The following TBC1D4 variants were observed in gnomAD, a reference collection of about 807,000 sequenced individuals.
TBC1D4 encodes TBC (Tre-2, BUB2, CDC16) domain-containing protein.
TBC1D4 carries 121 observed loss-of-function variants against 142.5 expected under a neutral mutation model. The ratio of observed to expected loss-of-function variants is 0.85; its 90% CI spans 0.73 to 0.99. TBC1D4 has a LOEUF of 0.99. Among genes scored for constraint, TBC1D4 ranks in the 50% least tolerant of loss-of-function variants. The probability of loss-of-function intolerance (pLI) is 0.00; values close to 1 mark genes in which losing one functional copy is unlikely to be tolerated. For synonymous variants in TBC1D4, 630 were observed against 628.2 expected (o/e 1.00, Z -0.04); for missense variants, 1,475 against 1,606.6 (o/e 0.92, Z 1.40).
At chr13:75,393,834 G>A (rs1408558462) in intron 1 of TBC1D4, among the ~76,000 whole-genome samples, 2 of 151,824 alleles carry the variant, frequency 1.3e-5, no homozygotes, top group African/African-American at 4.8e-5. Flanking sequence ...TGGAGGCTGA[G>A]GCAGGAGAAT....
intron 1 of TBC1D4, among the ~76,000 whole-genome samples, chr13:75,386,739 A>C (rs946589789): frequency 6.6e-6 from 1 of 152,198 alleles, no homozygotes; most frequent in African/African-American, 2.4e-5. Context: ...AATAAAAAAA[A>C]CACTCATCCA....
Position 75,327,754 on chromosome 13 carries a change from T to A in TBC1D4, c.1804A>T (p.Lys602Ter). The A allele has an allele frequency of 6.2e-7, 1 of 1,613,996 alleles. No homozygotes were observed. The change falls in exon 9 of 21, where the codon AAG becomes TAG. Residue 602 changes from lysine (K) to a stop codon, truncating the protein, a stop_gained and splice_region_variant. Coordinates refer to ENST00000377636, the MANE Select transcript of TBC1D4 (RefSeq NM_014832.5). LOFTEE classifies it high-confidence loss of function. ...FERSNSLASEKDYSPGDSPPG... is the reference protein window; with the variant it reads ...FERSNSLASE ...GTAAACAAGCTCTAGTTAGATACCT[T>A]CTCTGAAGCAAGACTGTTGGACCGT...
At chr13:75,347,877 T>C (rs1881279560) in intron 5 of TBC1D4, among the ~76,000 whole-genome samples, 1 of 152,222 alleles carries the variant, frequency 6.6e-6, no homozygotes, top group Non-Finnish European at 1.5e-5. Flanking sequence ...GGCTCATGCC[T>C]GTAATCTCAG....
At chr13:75,441,871 T>C (rs1366636280) in intron 1 of TBC1D4, among the ~76,000 whole-genome samples, 1 of 152,218 alleles carries the variant, frequency 6.6e-6, no homozygotes, top group Non-Finnish European at 1.5e-5. Context: ...CTTAATTGTA[T>C]ACATGTCTGT....
intron 1 of TBC1D4, 75 bp downstream of exon 1, chr13:75,481,195 T>TGCCCCCCCCCCC: frequency 2.3e-6 from 3 of 1,292,708 alleles, no homozygotes; most frequent in Non-Finnish European, 2.1e-6. Context: ...TAAAGTGGGG[T>TGCCCCCCCCCCC]CCCCGCCCCT....
At chr13:75,407,249 G>C (rs1245948985) in intron 1 of TBC1D4, among the ~76,000 whole-genome samples, 1 of 152,164 alleles carries the variant, frequency 6.6e-6, no homozygotes, top group Non-Finnish European at 1.5e-5. Context: ...CTAATGCCAG[G>C]TTCTGAGTTT....
At chr13:75,382,815 A>G (rs1039420437) in intron 1 of TBC1D4, among the ~76,000 whole-genome samples, 4 of 152,218 alleles carry the variant, frequency 2.6e-5, no homozygotes, top group Non-Finnish European at 5.9e-5. Flanking sequence ...TTTTATATTG[A>G]TTATAATGCT....
chr13:75,361,163 G>A (rs1266825011), intron 2 of TBC1D4, among the ~76,000 whole-genome samples: 1 of 152,144 alleles, frequency 6.6e-6, no homozygotes. Flanking sequence ...CAATACTACA[G>A]CTTGCATCAA....
At chr13:75,457,256 T>C (rs538407135) in intron 1 of TBC1D4, among the ~76,000 whole-genome samples, 20 of 152,300 alleles carry the variant, frequency 1.3e-4, no homozygotes, top group Admixed American at 2.6e-4. Flanking sequence ...AATTAAATGG[T>C]TTATGTATTA....
At chr13:75,312,424 A>AAAAAGAAAG (rs1555301657) in intron 13 of TBC1D4, among the ~76,000 whole-genome samples, 39 of 136,008 alleles carry the variant, frequency 2.9e-4, no homozygotes, top group East Asian at 6.1e-4. Flanking sequence ...GGGAAAAAAA[A>AAAAAGAAAG]AAAGAAAGAA....
intron 1 of TBC1D4, among the ~76,000 whole-genome samples, chr13:75,451,355 T>C (rs1433639438): frequency 2.0e-5 from 3 of 152,006 alleles, no homozygotes; most frequent in East Asian, 1.9e-4. Context: ...TAAGAGTCAG[T>C]AGATAATTTT....
At chr13:75,435,611 C>T (rs1368261808) in intron 1 of TBC1D4, among the ~76,000 whole-genome samples, 3 of 151,996 alleles carry the variant, frequency 2.0e-5, no homozygotes, top group Non-Finnish European at 4.4e-5. Flanking sequence ...TATATCTGTC[C>T]ACTGACAGAT....
intron 1 of TBC1D4, among the ~76,000 whole-genome samples, chr13:75,412,283 G>C (rs539820041): frequency 1.3e-5 from 2 of 151,756 alleles, no homozygotes; most frequent in African/African-American, 4.8e-5. Context: ...GGTTTTTTTT[G>C]TTTGTTTGTT....
At chr13:75,461,975 C>G (rs1052426945) in intron 1 of TBC1D4, among the ~76,000 whole-genome samples, 1 of 152,158 alleles carries the variant, frequency 6.6e-6, no homozygotes, top group East Asian at 1.9e-4. Context: ...ACCTCTTATT[C>G]CCAGTTGTCA....
chr13:75,337,126 T>A, intron 7 of TBC1D4, 86 bp from the exon 8 acceptor site: 1 of 1,282,498 alleles, frequency 7.8e-7, no homozygotes, highest in Non-Finnish European at 1.1e-6. Context: ...ACTAAGCTAT[T>A]AAAAAACACA....
intron 1 of TBC1D4, among the ~76,000 whole-genome samples, chr13:75,452,955 G>A (rs1191277179): frequency 1.3e-5 from 2 of 152,074 alleles, no homozygotes; most frequent in East Asian, 1.9e-4. Flanking sequence ...AATAAATACA[G>A]GTTTAATAAA....
intron 1 of TBC1D4, among the ~76,000 whole-genome samples, chr13:75,388,386 T>C (rs1884299127): frequency 1.3e-5 from 2 of 152,212 alleles, no homozygotes; most frequent in Non-Finnish European, 2.9e-5. Context: ...ATGAGCATTC[T>C]ATTTGGTATG....
intron 1 of TBC1D4, among the ~76,000 whole-genome samples, chr13:75,363,831 A>C (rs981097712): frequency 1.3e-5 from 2 of 152,250 alleles, no homozygotes; most frequent in Non-Finnish European, 2.9e-5. Context: ...GCAAGTGAAG[A>C]GATAAATAAA....
chr13:75,383,449 A>G (rs1293480907), intron 1 of TBC1D4, among the ~76,000 whole-genome samples: 1 of 152,272 alleles, frequency 6.6e-6, no homozygotes, highest in East Asian at 1.9e-4. Flanking sequence ...TGAATAAATG[A>G]CTAAAACATT....
Sources: gnomAD v4.1 joint callset for allele counts (sites outside exome capture counted in the v4.1 genomes callset) on GRCh38, gnomAD v4.1.1 for gene constraint, MANE v1.5 for transcripts, NCBI Gene and HGNC (gene_info 2026-07-23, HGNC 2026-07-21) for gene names.